NDC1: variants seen among roughly 807,000 people sequenced by gnomAD.
NDC1 encodes the protein NDC1 transmembrane nucleoporin.
Under a neutral mutation model 89.8 loss-of-function variants are expected in NDC1, and 24 were observed. The observed-to-expected ratio is 0.27, with a 90% CI of 0.19 to 0.38. The LOEUF (loss-of-function observed/expected upper bound fraction) is 0.38. NDC1 is among the 10% of genes least tolerant of loss of function. The pLI, the probability that NDC1 is intolerant of heterozygous loss-of-function variation, is 1.00. For synonymous variants in NDC1, 296 were observed against 284.8 expected (o/e 1.04, Z -0.39); for missense variants, 728 against 797.6 (o/e 0.91, Z 1.05).
intron 6 of NDC1, among the ~76,000 whole-genome samples, chr1:53,817,585 G>C (rs13374464): frequency 0.014 from 2,059 of 152,080 alleles, 54 homozygotes; most frequent in African/African-American, 0.047. Flanking sequence ...TACCACTAAA[G>C]AATTTACTCC....
At chr1:53,834,365 T>C (rs1331189239) in intron 2 of NDC1, among the ~76,000 whole-genome samples, 1 of 152,234 alleles carries the variant, frequency 6.6e-6, no homozygotes, top group Non-Finnish European at 1.5e-5. Flanking sequence ...AAATATTTGC[T>C]ATGCCTGTGC....
intron 13 of NDC1, among the ~76,000 whole-genome samples, chr1:53,794,453 G>A (rs1034057685): frequency 3.9e-5 from 6 of 152,156 alleles, no homozygotes; most frequent in African/African-American, 9.7e-5. Context: ...AAAGTGACAC[G>A]GCAGTACTAA....
intron 14 of NDC1, 105 bp from the exon 15 acceptor site, chr1:53,789,301 C>T (rs551589418): frequency 1.6e-5 from 10 of 632,582 alleles, no homozygotes; most frequent in Non-Finnish European, 2.8e-5. Flanking sequence ...TCACAGCTGC[C>T]TCTCAAGAAT....
intron 9 of NDC1, 133 bp downstream of exon 9, chr1:53,806,292 G>A: frequency 3.8e-6 from 2 of 530,622 alleles, no homozygotes; most frequent in Non-Finnish European, 6.2e-6. Flanking sequence ...TAGCAAGTAG[G>A]TGATTTTTAT....
chr1:53,826,025 T>C (rs1004466761), intron 4 of NDC1, 89 bp from the exon 5 acceptor site: 2 of 1,307,418 alleles, frequency 1.5e-6, no homozygotes, highest in African/African-American at 3.0e-5. Context: ...CAAAGCTTAA[T>C]TACTTTAATG....
chr1:53,780,131 G>A (rs1353987839), intron 16 of NDC1, among the ~76,000 whole-genome samples: 1 of 151,676 alleles, frequency 6.6e-6, no homozygotes, highest in African/African-American at 2.4e-5. Flanking sequence ...GCACAATCAC[G>A]GCACAATCGC....
chr1:53,793,084 G>A, intron 14 of NDC1, 145 bp downstream of exon 14: 1 of 668,872 alleles, frequency 1.5e-6, no homozygotes, highest in Non-Finnish European at 2.7e-6. Flanking sequence ...TGTTAAAACG[G>A]AGGTTCAGTG....
At chr1:53,810,370 T>C (rs1282293082) in intron 6 of NDC1, among the ~76,000 whole-genome samples, 1 of 149,286 alleles carries the variant, frequency 6.7e-6, no homozygotes, top group Non-Finnish European at 1.5e-5. Flanking sequence ...TGCAAATTCA[T>C]GAAGCGTTCC....
intron 6 of NDC1, among the ~76,000 whole-genome samples, chr1:53,813,736 C>CA (rs1648387763): frequency 2.0e-5 from 3 of 151,812 alleles, no homozygotes; most frequent in African/African-American, 4.8e-5. Flanking sequence ...AGAAAGTCAA[C>CA]AAAAAAACAA....
At chr1:53,825,458 A>G (rs1648820253) in intron 5 of NDC1, among the ~76,000 whole-genome samples, 1 of 151,508 alleles carries the variant, frequency 6.6e-6, no homozygotes, top group Non-Finnish European at 1.5e-5. Context: ...GTCTCCAAAA[A>G]AAAAGAAGCT....
chr1:53,829,162 CTA>C (rs1473762068), intron 3 of NDC1, among the ~76,000 whole-genome samples: 2 of 152,060 alleles, frequency 1.3e-5, no homozygotes, highest in Non-Finnish European at 2.9e-5. Flanking sequence ...CCTGATCTAT[CTA>C]TGTAGGTATT....
At chr1:53,809,384 C>T (rs991129188) in intron 7 of NDC1, among the ~76,000 whole-genome samples, 1 of 152,104 alleles carries the variant, frequency 6.6e-6, no homozygotes. Flanking sequence ...CAGGGTCTCG[C>T]TCTATTGCCT....
chr1:53,808,411 T>C (rs1273970596), intron 7 of NDC1, among the ~76,000 whole-genome samples: 1 of 152,210 alleles, frequency 6.6e-6, no homozygotes, highest in Non-Finnish European at 1.5e-5. Context: ...ATTAGGTAAA[T>C]CACTCCACCT....
intron 11 of NDC1, among the ~76,000 whole-genome samples, chr1:53,799,635 G>A (rs551922678): frequency 1.4e-4 from 22 of 152,066 alleles, no homozygotes; most frequent in African/African-American, 5.1e-4. Flanking sequence ...TAAAAAGACC[G>A]GAAGTTCACA....
chr1:53,800,664 T>C, intron 11 of NDC1, 29 bp downstream of exon 11: 1 of 1,610,092 alleles, frequency 6.2e-7, no homozygotes, highest in African/African-American at 1.3e-5. Context: ...ATGTAAATGT[T>C]TTCCCCTCTT....
At chr1:53,804,793 T>TG (rs1323888298) in intron 9 of NDC1, among the ~76,000 whole-genome samples, 1 of 152,014 alleles carries the variant, frequency 6.6e-6, no homozygotes, top group Non-Finnish European at 1.5e-5. Context: ...TTTTTTTTTT[T>TG]TCTTTACTGA....
intron 17 of NDC1, among the ~76,000 whole-genome samples, chr1:53,769,349 A>G (rs1162782445): frequency 6.6e-6 from 1 of 152,238 alleles, no homozygotes; most frequent in African/African-American, 2.4e-5. Context: ...CATGACGACT[A>G]TGGCTAACAA....
intron 13 of NDC1, among the ~76,000 whole-genome samples, chr1:53,793,508 C>T (rs987673339): frequency 3.9e-5 from 6 of 152,144 alleles, no homozygotes; most frequent in Admixed American, 1.3e-4. Flanking sequence ...CATGTATACA[C>T]GTTTAACCCC....
chr1:53,819,115 C>G (rs748938496), intron 5 of NDC1, 36 bp from the exon 6 acceptor site: 35 of 988,778 alleles, frequency 3.5e-5, no homozygotes, highest in Non-Finnish European at 5.4e-5. Flanking sequence ...ATGACACATT[C>G]AAATCAAATG....
Sources: allele counts gnomAD v4.1 joint callset (sites outside exome capture counted in the v4.1 genomes callset), GRCh38; gene constraint gnomAD v4.1.1; transcripts MANE v1.5; gene names NCBI Gene and HGNC (gene_info 2026-07-23, HGNC 2026-07-21).